NFIA: variants seen among roughly 807,000 people sequenced by gnomAD.
NFIA encodes nuclear factor 1 A-type.
Under a neutral mutation model 62.8 loss-of-function variants are expected in NFIA, and 8 were observed. The ratio of observed to expected loss-of-function variants is 0.13; its 90% CI spans 0.07 to 0.23. The LOEUF is 0.23. Ranked by LOEUF, NFIA falls within the 10% of genes least tolerant of loss-of-function variation. The probability of loss-of-function intolerance (pLI) is 1.00; values close to 1 mark genes in which losing one functional copy is unlikely to be tolerated. For synonymous variants in NFIA, 235 were observed against 238.1 expected (o/e 0.99, Z 0.12); for missense variants, 410 against 642.1 (o/e 0.64, Z 3.91).
intron 2 of NFIA, among the ~76,000 whole-genome samples, chr1:61,109,779 A>C (rs2100451079): frequency 6.6e-6 from 1 of 152,014 alleles, no homozygotes. Context: ...CTTTTTTAGG[A>C]GGAAGAGTAG....
At chr1:61,328,129 T>C (rs1203957271) in intron 3 of NFIA, among the ~76,000 whole-genome samples, 1 of 152,024 alleles carries the variant, frequency 6.6e-6, no homozygotes, top group African/African-American at 2.4e-5. Flanking sequence ...GTTGATTTAT[T>C]TGAGTTCCTT....
At chr1:61,332,234 G>A (rs1375785426) in intron 3 of NFIA, among the ~76,000 whole-genome samples, 2 of 152,086 alleles carry the variant, frequency 1.3e-5, no homozygotes, top group South Asian at 2.1e-4. Context: ...ACTATTTATT[G>A]TAAATTGTCT....
intron 4 of NFIA, among the ~76,000 whole-genome samples, chr1:61,335,274 TTAGAGA>T (rs964157105): frequency 7.9e-5 from 12 of 152,162 alleles, no homozygotes; most frequent in Admixed American, 7.9e-4. Context: ...CCCCTTTTTC[TTAGAGA>T]TAATCTAGGT....
chr1:61,432,430 G>A (rs2100562133), intron 10 of NFIA, among the ~76,000 whole-genome samples: 1 of 151,984 alleles, frequency 6.6e-6, no homozygotes, highest in South Asian at 2.1e-4. Context: ...GCTCACTTGA[G>A]ATTGCATTTC....
intron 10 of NFIA, among the ~76,000 whole-genome samples, chr1:61,438,568 G>C (rs979940350): frequency 3.9e-5 from 6 of 152,114 alleles, no homozygotes; most frequent in Admixed American, 1.3e-4. Context: ...CCAGTGGAAT[G>C]ATATTTATGT....
chr1:61,324,353 T>C (rs1660823870), intron 3 of NFIA, among the ~76,000 whole-genome samples: 2 of 152,190 alleles, frequency 1.3e-5, no homozygotes, highest in African/African-American at 4.8e-5. Context: ...TTGGCCTGTC[T>C]TGTTATTAGG....
At chr1:61,293,680 A>G (rs1326851624) in intron 3 of NFIA, among the ~76,000 whole-genome samples, 6 of 152,190 alleles carry the variant, frequency 3.9e-5, no homozygotes, top group Non-Finnish European at 5.9e-5. Context: ...TAGATGTTGG[A>G]TGGAAACTAA....
chr1:61,115,018 C>T (rs975139892), intron 2 of NFIA, among the ~76,000 whole-genome samples: 1 of 152,150 alleles, frequency 6.6e-6, no homozygotes, highest in Non-Finnish European at 1.5e-5. Context: ...CTCACTCTGT[C>T]ACCCAGGCTG....
At chr1:61,208,433 T>G (rs1653035657) in intron 2 of NFIA, among the ~76,000 whole-genome samples, 1 of 152,166 alleles carries the variant, frequency 6.6e-6, no homozygotes, top group Non-Finnish European at 1.5e-5. Flanking sequence ...TATCTGTATG[T>G]TTGTTTTGGC....
At chr1:61,120,211 A>G (rs116278962) in intron 2 of NFIA, among the ~76,000 whole-genome samples, 2,361 of 152,334 alleles carry the variant, frequency 0.015, 29 homozygotes, top group Non-Finnish European at 0.025. Context: ...AATTAACTTA[A>G]TTGTAGAGTT....
At chr1:61,390,331 C>CAA (rs369484896) in intron 7 of NFIA, among the ~76,000 whole-genome samples, 39 of 145,856 alleles carry the variant, frequency 2.7e-4, no homozygotes, top group African/African-American at 9.5e-4. Context: ...CTTTATGAGT[C>CAA]AAAAAAAAAA....
At chr1:61,077,273 C>G (rs1646043732), upstream of NFIA, 2 of 244,274 alleles carry the variant, frequency 8.2e-6, no homozygotes, top group Admixed American at 5.5e-5. Context: ...TGCAAAGTCT[C>G]GTACAATCCA....
chr1:61,324,862 C>T (rs960946339), intron 3 of NFIA, among the ~76,000 whole-genome samples: 11 of 152,226 alleles, frequency 7.2e-5, no homozygotes, highest in African/African-American at 1.7e-4. Context: ...TTCTACCTCT[C>T]CCATATAGTT....
At chr1:61,133,739 G>A (rs372367618) in intron 2 of NFIA, among the ~76,000 whole-genome samples, 1 of 152,170 alleles carries the variant, frequency 6.6e-6, no homozygotes, top group African/African-American at 2.4e-5. Flanking sequence ...AGTCTGTGGT[G>A]GAAGGATGAC....
At chr1:61,214,330 TA>T (rs113720793) in intron 2 of NFIA, among the ~76,000 whole-genome samples, 116 of 143,424 alleles carry the variant, frequency 8.1e-4, no homozygotes, top group Middle Eastern at 3.6e-3. Context: ...GTCCTTGCAA[TA>T]AAAAAAAAAA....
At chr1:61,108,213 A>G (rs961365688) in intron 2 of NFIA, among the ~76,000 whole-genome samples, 1 of 151,662 alleles carries the variant, frequency 6.6e-6, no homozygotes, top group African/African-American at 2.4e-5. Context: ...TATTGAATCT[A>G]CAGATAAAGG....
At chr1:61,398,098 A>G (rs934403862) in intron 7 of NFIA, among the ~76,000 whole-genome samples, 1 of 152,236 alleles carries the variant, frequency 6.6e-6, no homozygotes, top group Non-Finnish European at 1.5e-5. Context: ...CACAGATCCA[A>G]TAGCCCTTTG....
intron 2 of NFIA, among the ~76,000 whole-genome samples, chr1:61,116,534 C>T (rs1478846381): frequency 1.1e-4 from 16 of 152,110 alleles, no homozygotes; most frequent in Non-Finnish European, 8.8e-5. Flanking sequence ...CATGCATCTT[C>T]TCGATGGTCT....
chr1:61,443,386 A>C (rs185510040), intron 10 of NFIA, among the ~76,000 whole-genome samples: 90 of 152,314 alleles, frequency 5.9e-4, no homozygotes, highest in Admixed American at 1.2e-3. Flanking sequence ...GCAGAGGTGC[A>C]AACTGAGATC....
Sources: gnomAD v4.1 joint callset for allele counts (sites outside exome capture counted in the v4.1 genomes callset) on GRCh38, gnomAD v4.1.1 for gene constraint, MANE v1.5 for transcripts, NCBI Gene and HGNC (gene_info 2026-07-23, HGNC 2026-07-21) for gene names.